The following KCNMA1 variants were observed in gnomAD, a reference collection of about 807,000 sequenced individuals.
KCNMA1 encodes the protein Calcium-activated potassium channel subunit alpha-1.
Under a neutral mutation model 140.0 loss-of-function variants are expected in KCNMA1, and 29 were observed. The ratio of observed to expected loss-of-function variants is 0.21; its 90% CI spans 0.15 to 0.28. The LOEUF (loss-of-function observed/expected upper bound fraction) is 0.28. Ranked by LOEUF, KCNMA1 falls within the 10% of genes least tolerant of loss-of-function variation. KCNMA1 has a pLI of 1.00. For synonymous variants in KCNMA1, 612 were observed against 611.9 expected (o/e 1.00, Z 0.00); for missense variants, 880 against 1,602.2 (o/e 0.55, Z 7.70).
chr10:77,438,359 G>C (rs765349563), intron 1 of KCNMA1, among the ~76,000 whole-genome samples: 10 of 152,112 alleles, frequency 6.6e-5, no homozygotes, highest in Non-Finnish European at 1.2e-4. Flanking sequence ...CTGAGGTCAG[G>C]AGTTCGAGAC....
intron 1 of KCNMA1, among the ~76,000 whole-genome samples, chr10:77,602,047 C>A (rs1278885398): frequency 6.6e-6 from 1 of 152,180 alleles, no homozygotes; most frequent in Non-Finnish European, 1.5e-5. Context: ...GTCCTTTATA[C>A]TTTTCACCAT....
At chr10:77,160,144 C>A (rs1179653908) in intron 5 of KCNMA1, among the ~76,000 whole-genome samples, 1 of 152,174 alleles carries the variant, frequency 6.6e-6, no homozygotes, top group Admixed American at 6.5e-5. Context: ...CCAAGGGTGT[C>A]AACGGAGTAA....
chr10:77,012,485 A>G (rs2091037110), intron 17 of KCNMA1: 2 of 1,550,324 alleles, frequency 1.3e-6, no homozygotes, highest in Non-Finnish European at 1.7e-6. Context: ...TTCTCAGTCA[A>G]ATAAAAATAT....
intron 1 of KCNMA1, among the ~76,000 whole-genome samples, chr10:77,508,617 T>C (rs149053148): frequency 0.014 from 1,625 of 115,772 alleles, 45 homozygotes; most frequent in African/African-American, 0.059. Flanking sequence ...GCTCTCTCCC[T>C]CTCTCTCTCT....
chr10:77,410,817 G>A lies in KCNMA1; in HGVS notation c.379-6794C>T, dbSNP rs990101093. Among the ~76,000 whole-genome samples the A allele has an allele frequency of 4.6e-5, 7 of 152,198 alleles. No homozygotes were observed. In the South Asian group the frequency reaches 8.3e-4, roughly 18 times the overall value. On this transcript the variant is annotated intron_variant, in intron 1 of 27. Transcript: ENST00000286628. ...CTCTGCTCCAGAGATCCCCGTGGCT[G>A]CACCCTCATTTCTCTCGAGCTTTGG...
chr10:77,590,770 TAA>T (rs1185250968), intron 1 of KCNMA1, among the ~76,000 whole-genome samples: 2 of 151,418 alleles, frequency 1.3e-5, no homozygotes, highest in East Asian at 3.9e-4. Flanking sequence ...CGCCAGATGC[TAA>T]GTCTAAATTT....
rs545121132 is a variant in KCNMA1 at position 77,021,551 on chromosome 10, C to A, written c.1929-2452G>T. 3.3e-5 allele frequency among the ~76,000 whole-genome samples: 5 copies of A among 152,312 alleles called. No homozygotes were observed. In the East Asian group the frequency reaches 9.6e-4, roughly 29 times the overall value. ...ACTTTTCCACTGACTGCAAGGAAAT[C>A]CAAAGCATTTTATCCCTGCACAATA... is the stretch of plus-strand genomic sequence containing the variant. On this transcript the variant is annotated intron_variant, in intron 16 of 27. Coordinates refer to ENST00000286628, the MANE Select transcript of KCNMA1 (RefSeq NM_001161352.2).
intron 1 of KCNMA1, among the ~76,000 whole-genome samples, chr10:77,451,863 C>G (rs1171562850): frequency 6.6e-6 from 1 of 152,124 alleles, no homozygotes; most frequent in East Asian, 1.9e-4. Context: ...TGGAGAGTCA[C>G]AAAACATATT....
chr10:76,913,681 A>G lies in KCNMA1; in HGVS notation c.3016+1255T>C, dbSNP rs563923607. On this transcript the variant is annotated intron_variant, in intron 24 of 27. Transcript: ENST00000286628. ...GACTTCCTCTAAGAGCTGTGAAGAC[A>G]TGTCATTCAAACTGACAGTATGTTG... The G allele has an allele frequency of 2.6e-5, 5 of 190,820 alleles. No homozygotes were observed. In the East Asian group the frequency reaches 6.4e-4, roughly 24 times the overall value. 11.8% of individuals were successfully genotyped at this position (190,820 alleles called of 1,614,324 possible).
At chr10:77,296,380 C>T (rs1444905036) in intron 2 of KCNMA1, among the ~76,000 whole-genome samples, 1 of 152,144 alleles carries the variant, frequency 6.6e-6, no homozygotes, top group East Asian at 1.9e-4. Flanking sequence ...TTGACTTTAG[C>T]CCAGTGAGAT....
intron 14 of KCNMA1, among the ~76,000 whole-genome samples, chr10:77,054,424 C>T (rs571280114): frequency 6.6e-6 from 1 of 152,248 alleles, no homozygotes; most frequent in Admixed American, 6.5e-5. Flanking sequence ...AATAAACAGA[C>T]TTCCACAGCC....
chr10:77,144,056 G>C (rs1319563392), intron 5 of KCNMA1, among the ~76,000 whole-genome samples: 1 of 151,902 alleles, frequency 6.6e-6, no homozygotes, highest in East Asian at 1.9e-4. Flanking sequence ...ATGACCCAGA[G>C]ACTCAATTTC....
chr10:77,458,502 G>A (rs562298380), intron 1 of KCNMA1, among the ~76,000 whole-genome samples: 1 of 152,330 alleles, frequency 6.6e-6, no homozygotes, highest in African/African-American at 2.4e-5. Context: ...CCCTGTTATG[G>A]TGGGGTTCCC....
intron 19 of KCNMA1, among the ~76,000 whole-genome samples, chr10:76,987,562 G>A (rs2081613957): frequency 6.6e-6 from 1 of 152,218 alleles, no homozygotes; most frequent in South Asian, 2.1e-4. Context: ...ATGTTACAAG[G>A]AAACTTTACT....
At chr10:77,452,707 T>C (rs1248118494) in intron 1 of KCNMA1, among the ~76,000 whole-genome samples, 1 of 152,194 alleles carries the variant, frequency 6.6e-6, no homozygotes, top group Non-Finnish European at 1.5e-5. Context: ...AATACCCTTC[T>C]AAAAATGAGG....
At chr10:77,413,384 A>G (rs186200305) in intron 1 of KCNMA1, among the ~76,000 whole-genome samples, 1 of 152,078 alleles carries the variant, frequency 6.6e-6, no homozygotes, top group East Asian at 1.9e-4. Flanking sequence ...GCCAAAGAGG[A>G]CATCCACCCA....
At chr10:77,548,339 A>G (rs2061934040) in intron 1 of KCNMA1, among the ~76,000 whole-genome samples, 1 of 152,222 alleles carries the variant, frequency 6.6e-6, no homozygotes, top group South Asian at 2.1e-4. Flanking sequence ...TTGGAAGCCT[A>G]ACGTGGACAA....
At chr10:77,601,863 G>A (rs2154566451) in intron 1 of KCNMA1, among the ~76,000 whole-genome samples, 1 of 152,310 alleles carries the variant, frequency 6.6e-6, no homozygotes, top group Middle Eastern at 3.4e-3. Flanking sequence ...AGCCAAAGCA[G>A]GTGGCGCAGA....
At chr10:77,012,123 T>C in intron 17 of KCNMA1, 80 bp from the exon 18 acceptor site, 1 of 1,607,974 alleles carries the variant, frequency 6.2e-7, no homozygotes, top group Non-Finnish European at 8.5e-7. Flanking sequence ...TCCACGGTGG[T>C]GCCAAATTAA....
Sources: gnomAD v4.1 joint callset for allele counts (sites outside exome capture counted in the v4.1 genomes callset) on GRCh38, gnomAD v4.1.1 for gene constraint, MANE v1.5 for transcripts, NCBI Gene and HGNC (gene_info 2026-07-23, HGNC 2026-07-21) for gene names.